Variants in BTD observed in about 807,000 individuals in gnomAD.
The protein encoded by BTD is biotinidase, also known as biocytinase.
A neutral mutation model predicts 17.7 loss-of-function variants in BTD; 13 were observed. The observed-to-expected ratio is 0.74, with a 90% CI of 0.48 to 1.17. The LOEUF (loss-of-function observed/expected upper bound fraction) is 1.17. BTD is among the 50% of genes most tolerant of loss of function. BTD has a pLI of 0.00. For synonymous variants in BTD, 240 were observed against 245.2 expected (o/e 0.98, Z 0.20); for missense variants, 674 against 650.4 (o/e 1.04, Z -0.39).
At chr3:15,670,254 C>A (rs768269679) in intron 3 of BTD, 2 of 1,607,204 alleles carry the variant, frequency 1.2e-6, no homozygotes, top group East Asian at 4.5e-5. Flanking sequence ...GTGAGAACTC[C>A]CTCCTCCTCA....
intron 3 of BTD, among the ~76,000 whole-genome samples, chr3:15,682,255 T>C (rs561057116): frequency 6.6e-6 from 1 of 152,322 alleles, no homozygotes; most frequent in East Asian, 1.9e-4. Context: ...AATCAGTAAG[T>C]ATTTAAAAAT....
chr3:15,701,426 C>T (rs1332285358), intron 3 of BTD, among the ~76,000 whole-genome samples: 2 of 152,120 alleles, frequency 1.3e-5, no homozygotes, highest in South Asian at 2.1e-4. Flanking sequence ...GGGCGGAACA[C>T]CTGAGGTCGG....
intron 3 of BTD, among the ~76,000 whole-genome samples, chr3:15,698,673 C>A (rs1235958524): frequency 2.0e-5 from 3 of 152,114 alleles, no homozygotes; most frequent in African/African-American, 7.2e-5. Context: ...CCTAGGAATC[C>A]AACTTACAGG....
chr3:15,719,087 A>T (rs1447802691), intron 4 of BTD, among the ~76,000 whole-genome samples: 1 of 152,218 alleles, frequency 6.6e-6, no homozygotes, highest in Non-Finnish European at 1.5e-5. Flanking sequence ...AAAAACTTTT[A>T]AAAAGATGGT....
At position 15,601,846 on chromosome 3, in the gene BTD, G is replaced by T. The variant is rs199516128; in HGVS notation, c.-65G>T. 183 of 1,614,232 alleles carry T rather than the reference G, an allele frequency of 1.1e-4. 2 individuals carry two copies. In the East Asian group the frequency reaches 2.4e-3, roughly 21 times the overall value. On this transcript the variant is annotated 5_prime_UTR_variant, in exon 1 of 4. Transcript: ENST00000643237. The stretch of plus-strand genomic sequence containing the variant: ...CTGGAGCGTTTTCGGGGCTGTAAAG[G>T]GAGAATGGCGCATGCGCATATTCAG...
downstream of BTD, among the ~76,000 whole-genome samples, chr3:15,717,592 C>G (rs2073219012): frequency 6.6e-6 from 1 of 151,836 alleles, no homozygotes; most frequent in African/African-American, 2.4e-5. Flanking sequence ...GTTGATCTCA[C>G]AGGCAACCAA....
chr3:15,610,603 T>G (rs1361599029), intron 1 of BTD, among the ~76,000 whole-genome samples: 1 of 152,094 alleles, frequency 6.6e-6, no homozygotes, highest in African/African-American at 2.4e-5. Flanking sequence ...TTTATGGGAG[T>G]ATTTCTGTAC....
chr3:15,645,179 G>A lies in BTD; in HGVS notation c.1263G>A (p.Gly421=), dbSNP rs2065661925. 1 of 1,614,030 alleles carries A rather than the reference G, an allele frequency of 6.2e-7. No individual in the cohort carries two copies. Among genetic ancestry groups the A allele is most frequent in the Non-Finnish European group, 8.5e-7 (1 of 1,180,016 alleles). Residue 421 remains glycine, a synonymous_variant, in exon 4 of 4, where the codon GGG becomes GGA. Transcript: ENST00000643237. ...PTLSKELYAL[G]VFDGLHTVHG... ...TATCCAAAGAGCTGTATGCCCTGGG[G>A]GTCTTTGATGGGCTTCACACAGTAC...
At chr3:15,658,681 A>G (rs1019922417), downstream of BTD, among the ~76,000 whole-genome samples, 4 of 152,176 alleles carry the variant, frequency 2.6e-5, no homozygotes, top group Admixed American at 6.5e-5. Context: ...CACACCTTCA[A>G]TGCTACCTTA....
intron 1 of BTD, among the ~76,000 whole-genome samples, chr3:15,615,597 T>A (rs1287196343): frequency 6.6e-6 from 1 of 152,254 alleles, no homozygotes; most frequent in Non-Finnish European, 1.5e-5. Flanking sequence ...ATTTTTTAAA[T>A]GCTTTTTTTA....
Position 15,649,132 on chromosome 3 carries a change from G to C in BTD, c.*3644G>C, listed in dbSNP as rs1269682055. ...GCAGACCTAGGAAACAAATACAGAG[G>C]ATCACTTGCAAAATGGCCCATTCAC... On this transcript the variant is annotated 3_prime_UTR_variant, in exon 4 of 4. Coordinates refer to ENST00000643237, the MANE Select transcript of BTD (RefSeq NM_001370658.1). Among the ~76,000 whole-genome samples the C allele has an allele frequency of 2.0e-5, 3 of 152,172 alleles. No individual in the cohort carries two copies. The highest frequency in any genetic ancestry group is 7.2e-5 in the African/African-American group (3 of 41,438).
At chr3:15,686,598 T>C (rs925473082) in intron 3 of BTD, 9 of 416,728 alleles carry the variant, frequency 2.2e-5, no homozygotes, top group Non-Finnish European at 4.0e-5. Context: ...TCTCTGGCAA[T>C]GTGGTCAGGA....
intron 3 of BTD, among the ~76,000 whole-genome samples, chr3:15,703,647 A>C (rs924750859): frequency 3.9e-5 from 6 of 152,214 alleles, no homozygotes; most frequent in African/African-American, 1.4e-4. Context: ...GTTGTTTATA[A>C]GCCACCCAGT....
In BTD at chr3:15,642,787, A is replaced by G. The variant is rs190817012; in HGVS notation, c.399+730A>G. Among the ~76,000 whole-genome samples the G allele has an allele frequency of 1.1e-4, 17 of 152,190 alleles. No individual in the cohort carries two copies. In the South Asian group the frequency reaches 2.7e-3, roughly 24 times the overall value. On this transcript the variant is annotated intron_variant, in intron 3 of 3. Coordinates refer to ENST00000643237, the MANE Select transcript of BTD (RefSeq NM_001370658.1). ...TTGACATCCTCTTTTTAAGCATACT[A>G]TATGCTTATTCATTTTAAATTTTTG...
chr3:15,635,651 A>T lies in BTD; in HGVS notation c.212A>T (p.Asp71Val). 1 of 1,614,226 alleles carries T rather than the reference A, an allele frequency of 6.2e-7. No homozygotes were observed. The highest frequency in any genetic ancestry group is 1.1e-5 in the South Asian group (1 of 91,090). ...EALELMNQNL[D>V]IYEQQVMTAA... Reference sequence around the variant, plus strand: ...TTGGAGCTCATGAACCAGAACCTTGACATCTATGAACAGCAAGTGATGACT... The same window carrying T: ...TTGGAGCTCATGAACCAGAACCTTGTCATCTATGAACAGCAAGTGATGACT... Residue 71 changes from aspartate to valine, a missense_variant, in exon 2 of 4, where the codon GAC (aspartate) becomes GTC (valine). By Grantham distance (152) the Asp-to-Val change is radical. Transcript: ENST00000643237. This position sits in a 1 kb window ranked among gnomAD's most constrained non-coding sequence, Gnocchi z 4.1.
intron 2 of BTD, among the ~76,000 whole-genome samples, chr3:15,636,438 C>A (rs186747656): frequency 4.9e-4 from 74 of 152,244 alleles, no homozygotes; most frequent in African/African-American, 1.8e-3. Context: ...AAGGAGAGGC[C>A]CCCCTGGGGG....
intron 3 of BTD, among the ~76,000 whole-genome samples, chr3:15,691,543 G>T (rs1559344855): frequency 6.6e-6 from 1 of 152,188 alleles, no homozygotes; most frequent in Non-Finnish European, 1.5e-5. Flanking sequence ...AGGACATAAA[G>T]AAATAAATAA....
chr3:15,602,520 T>G (rs2064297134), intron 1 of BTD, among the ~76,000 whole-genome samples: 3 of 152,340 alleles, frequency 2.0e-5, no homozygotes, highest in South Asian at 4.1e-4. Context: ...CTTGGAGTCA[T>G]TAGACCCTCT....
chr3:15,643,411 G>C (rs1435667933), intron 3 of BTD, among the ~76,000 whole-genome samples: 1 of 152,176 alleles, frequency 6.6e-6, no homozygotes, highest in Non-Finnish European at 1.5e-5. Flanking sequence ...TGAGATAGGA[G>C]GATGGCTTGA....
Sources: allele counts gnomAD v4.1 joint callset (sites outside exome capture counted in the v4.1 genomes callset), GRCh38; gene constraint gnomAD v4.1.1; non-coding constraint Gnocchi (gnomAD v3.1); transcripts MANE v1.5; gene names NCBI Gene and HGNC (gene_info 2026-07-23, HGNC 2026-07-21).